Variants in PLCG2 observed in about 807,000 individuals in gnomAD.
PLCG2 encodes 1-phosphatidylinositol 4,5-bisphosphate phosphodiesterase gamma-2.
A neutral mutation model predicts 175.6 loss-of-function variants in PLCG2; 69 were observed. The observed-to-expected ratio is 0.39, with a 90% CI of 0.32 to 0.48. PLCG2 has a LOEUF of 0.48. Ranked by LOEUF, PLCG2 falls within the 20% of genes least tolerant of loss-of-function variation. The pLI, the probability that PLCG2 is intolerant of heterozygous loss-of-function variation, is 0.91. For missense variants in PLCG2, 1,798 were observed against 1,650.9 expected (o/e 1.09, Z -1.54); for synonymous variants, 827 against 624.0 (o/e 1.33, Z -4.85).
chr16:81,915,210 G>T (rs1216957487), intron 19 of PLCG2, among the ~76,000 whole-genome samples: 1 of 152,182 alleles, frequency 6.6e-6, no homozygotes, highest in African/African-American at 2.4e-5. Flanking sequence ...GGGGAATTTG[G>T]ACCAGGCAGT....
intron 2 of PLCG2, among the ~76,000 whole-genome samples, chr16:81,766,124 A>G (rs1052958903): frequency 4.6e-5 from 7 of 151,938 alleles, no homozygotes; most frequent in Admixed American, 2.6e-4. Context: ...AGCTGGTTTG[A>G]TTTTGTCAAC....
intron 9 of PLCG2, among the ~76,000 whole-genome samples, chr16:81,887,678 A>G (rs1380472982): frequency 2.0e-5 from 3 of 152,176 alleles, no homozygotes; most frequent in South Asian, 4.1e-4. Flanking sequence ...AGCCCTTCCC[A>G]TCTAAGCACA....
intron 14 of PLCG2, 63 bp from the exon 15 acceptor site, chr16:81,905,340 C>T: frequency 5.3e-6 from 6 of 1,129,410 alleles, no homozygotes; most frequent in Non-Finnish European, 8.0e-6. Flanking sequence ...ATGAAGGCTG[C>T]TGGCTCAAAG....
chr16:81,792,747 C>T (rs575354096), intron 2 of PLCG2, among the ~76,000 whole-genome samples: 2 of 152,066 alleles, frequency 1.3e-5, no homozygotes, highest in Non-Finnish European at 2.9e-5. Context: ...ATCACGAGAA[C>T]AGCATGGAGG....
At chr16:81,754,310 C>T (rs1399304727) in intron 1 of PLCG2, among the ~76,000 whole-genome samples, 1 of 98,466 alleles carries the variant, frequency 1.0e-5, no homozygotes, top group African/African-American at 4.0e-5. Flanking sequence ...TCGCCTCCCC[C>T]ACCTCCTTCC....
Position 81,961,872 on chromosome 16 carries a change from A to C in PLCG2, c.*3874A>C, listed in dbSNP as rs1911788362. The C allele has an allele frequency of 5.0e-6, 1 of 199,764 alleles. No individual in the cohort carries two copies. The highest frequency in any genetic ancestry group is 1.0e-5 in the Non-Finnish European group (1 of 96,858). 12.4% of individuals were successfully genotyped at this position (199,764 alleles called of 1,614,324 possible). A position where few individuals can be genotyped will look rare whatever the true frequency, so the allele number is the denominator to read the frequency against. ...TATAGCAATGTGCAAGAAGATAGAG[A>C]TTTTCAAAATTCACTTAAGAGTATC... On this transcript the variant is annotated 3_prime_UTR_variant, in exon 33 of 33. Transcript: ENST00000564138.
intron 2 of PLCG2, among the ~76,000 whole-genome samples, chr16:81,820,333 C>T: frequency 6.6e-6 from 1 of 152,076 alleles, no homozygotes; most frequent in Non-Finnish European, 1.5e-5. Flanking sequence ...CCAGCATGCA[C>T]ACTCCCTGCC....
At chr16:81,932,027 A>G (rs1910523594) in intron 25 of PLCG2, among the ~76,000 whole-genome samples, 1 of 152,198 alleles carries the variant, frequency 6.6e-6, no homozygotes, top group Non-Finnish European at 1.5e-5. Flanking sequence ...CCTGACAGAA[A>G]ACGTTCACTG....
chr16:81,914,155 G>C (rs911571886), intron 19 of PLCG2, among the ~76,000 whole-genome samples: 5 of 152,222 alleles, frequency 3.3e-5, no homozygotes, highest in South Asian at 2.1e-4. Context: ...TGGGGTGTTG[G>C]CACTCCCACT....
rs753634019 is a variant in PLCG2, at chr16:81,883,312, T to C, written c.736T>C (p.Phe246Leu). ...TGCCTCTGCTGTTTACCTGCATGAC[T>C]TCCAGAGGTTTCTCATACATGAACA... The part of the protein sequence containing the change: ...PDASAVYLHD[F>L]QRFLIHEQQE... Residue 246 changes from phenylalanine (F) to leucine (L), a missense_variant, in exon 9 of 33, where the codon TTC (phenylalanine) becomes CTC (leucine). By Grantham distance (22) the Phe-to-Leu change is conservative. Coordinates refer to ENST00000564138, the MANE Select transcript of PLCG2 (RefSeq NM_002661.5). 1 of 1,614,160 alleles carries C rather than the reference T, an allele frequency of 6.2e-7. No homozygotes were observed. Among genetic ancestry groups the C allele is most frequent in the Non-Finnish European group, 8.5e-7 (1 of 1,180,008 alleles).
At position 81,859,134 on chromosome 16, in the gene PLCG2, A is replaced by C. The variant is rs1218034617; in HGVS notation, c.450A>C (p.Ile150=). ...TIIESWLRKQ[I]YSVDQTRRNS... is the part of the protein sequence containing the mutation. ...TTTCCAGTTGGCTGAGAAAGCAGAT[A>C]TATTCTGTGGATCAAACCAGAAGAA... Residue 150 remains isoleucine, a synonymous_variant, in exon 5 of 33, where the codon ATA becomes ATC. Coordinates refer to ENST00000564138, the MANE Select transcript of PLCG2 (RefSeq NM_002661.5). 2 of 1,597,274 alleles carry C rather than the reference A, an allele frequency of 1.3e-6. No individual in the cohort carries two copies. Among genetic ancestry groups the C allele is most frequent in the South Asian group, 1.1e-5 (1 of 90,660 alleles).
intron 31 of PLCG2, among the ~76,000 whole-genome samples, chr16:81,951,602 G>A (rs1171897259): frequency 6.6e-6 from 1 of 152,150 alleles, no homozygotes; most frequent in African/African-American, 2.4e-5. Context: ...CAAAACTGGA[G>A]AAAGATAGTA....
intron 28 of PLCG2, among the ~76,000 whole-genome samples, chr16:81,938,194 C>T (rs971190956): frequency 1.3e-5 from 2 of 151,954 alleles, no homozygotes; most frequent in Admixed American, 6.5e-5. Flanking sequence ...AGCCTCTGGC[C>T]GGAAAGAGAA....
At chr16:81,912,118 A>C (rs1434076941) in intron 18 of PLCG2, among the ~76,000 whole-genome samples, 1 of 151,818 alleles carries the variant, frequency 6.6e-6, no homozygotes, top group African/African-American at 2.4e-5. Context: ...TTTTTAGTAG[A>C]GACAGAGTTT....
chr16:81,841,181 C>G (rs117832870), intron 2 of PLCG2, among the ~76,000 whole-genome samples: 2 of 152,050 alleles, frequency 1.3e-5, no homozygotes, highest in African/African-American at 4.8e-5. Flanking sequence ...GGCCCACCCC[C>G]TATCTGCAGG....
In PLCG2 at chr16:81,896,365, AACACACACACACACACACACACACAC is replaced by A. The variant is rs57375866; in HGVS notation, c.1193+474_1193+499del. ...CATGGTGAAACCCCTTCTCTACCAA[AACACACACACACACACACACACACAC>A]ACACACACACACACACACACACACA... On this transcript the variant is annotated intron_variant, in intron 13 of 32. Transcript: ENST00000564138. 1.1e-3 allele frequency among the ~76,000 whole-genome samples: 129 copies of A among 121,174 alleles called. 1 individual carries two copies. The highest frequency in any genetic ancestry group is 6.5e-3 in the East Asian group (26 of 4,010). 79.5% of individuals were successfully genotyped at this position (121,174 alleles called of 152,430 possible).
At chr16:81,953,075 A>T (rs181487940) in intron 31 of PLCG2, among the ~76,000 whole-genome samples, 1 of 152,350 alleles carries the variant, frequency 6.6e-6, no homozygotes, top group Admixed American at 6.5e-5. Context: ...CAAACAAATT[A>T]TAAGAAGACA....
At chr16:81,810,643 TC>T (rs141008652) in intron 2 of PLCG2, among the ~76,000 whole-genome samples, 96,592 of 144,666 alleles carry the variant, frequency 0.67, 31,853 homozygotes, top group East Asian at 0.91. Flanking sequence ...GCAATTTCTT[TC>T]TTTTTATTTT....
intron 2 of PLCG2, among the ~76,000 whole-genome samples, chr16:81,773,636 C>T (rs1356483354): frequency 6.6e-6 from 1 of 152,184 alleles, no homozygotes; most frequent in Non-Finnish European, 1.5e-5. Flanking sequence ...CTTAGCATAA[C>T]AGGGTCCGCA....
Sources: allele counts gnomAD v4.1 joint callset (sites outside exome capture counted in the v4.1 genomes callset), GRCh38; gene constraint gnomAD v4.1.1; transcripts MANE v1.5; gene names NCBI Gene and HGNC (gene_info 2026-07-23, HGNC 2026-07-21).